The following NRXN1 variants were observed in gnomAD, a reference collection of about 807,000 sequenced individuals.
NRXN1 encodes neurexin-1.
In NRXN1, 39 loss-of-function variants were observed where a neutral mutation model predicts 150.9. That is an observed-to-expected ratio of 0.26 (90% CI 0.20 to 0.34). NRXN1 has a LOEUF of 0.34. Among genes scored for constraint, NRXN1 ranks in the 10% least tolerant of loss-of-function variants. NRXN1 has a pLI of 1.00. For synonymous variants in NRXN1, 924 were observed against 757.0 expected (o/e 1.22, Z -3.62); for missense variants, 1,815 against 1,949.9 (o/e 0.93, Z 1.30).
chr2:50,113,741 T>G (rs1046663668), intron 18 of NRXN1, among the ~76,000 whole-genome samples: 1 of 152,214 alleles, frequency 6.6e-6, no homozygotes, highest in Admixed American at 6.5e-5. Context: ...CTTAAAAGGC[T>G]GTGAGTGAGG....
At chr2:50,824,017 G>C (rs1670094637) in intron 5 of NRXN1, among the ~76,000 whole-genome samples, 1 of 152,070 alleles carries the variant, frequency 6.6e-6, no homozygotes, top group Non-Finnish European at 1.5e-5. Flanking sequence ...CAAGAAATGA[G>C]AAACAATGTG....
rs898930266 is a variant in NRXN1, at chr2:50,297,210, T to G, written c.3365-60240A>C. Among the ~76,000 whole-genome samples, 10 of 152,254 alleles carry G rather than the reference T, an allele frequency of 6.6e-5. No homozygotes were observed. In the South Asian group the frequency reaches 2.1e-3, roughly 32 times the overall value. On this transcript the variant is annotated intron_variant, in intron 17 of 22. Transcript: ENST00000401669. Reference sequence around the variant, plus strand: ...GGCTGGTTTGATTCTTTTTAATGGCTGTATAGTATTCTGTGGTGTACATGT... The same window carrying G: ...GGCTGGTTTGATTCTTTTTAATGGCGGTATAGTATTCTGTGGTGTACATGT...
chr2:50,129,384 T>C (rs531548543), intron 18 of NRXN1, among the ~76,000 whole-genome samples: 1 of 152,354 alleles, frequency 6.6e-6, no homozygotes, highest in African/African-American at 2.4e-5. Context: ...GTCTACTGCC[T>C]TGGCAGATTT....
At chr2:50,488,378 T>C (rs1042842496) in intron 15 of NRXN1, among the ~76,000 whole-genome samples, 1 of 152,160 alleles carries the variant, frequency 6.6e-6, no homozygotes, top group Non-Finnish European at 1.5e-5. Context: ...GTGTTTGAGT[T>C]GATCAGGGGT....
chr2:50,567,581 C>CAG (rs57146508), intron 8 of NRXN1, among the ~76,000 whole-genome samples: 3 of 65,174 alleles, frequency 4.6e-5, no homozygotes, highest in African/African-American at 3.5e-4. Context: ...GATATAGAAT[C>CAG]TGATTTTTCC....
intron 21 of NRXN1, chr2:49,972,596 T>A (rs970284877): frequency 6.6e-6 from 1 of 152,196 alleles, no homozygotes; most frequent in Non-Finnish European, 1.5e-5. Context: ...AATAGCCTAC[T>A]GTTAATTTCT....
At chr2:50,494,664 T>C (rs1345967234) in intron 15 of NRXN1, among the ~76,000 whole-genome samples, 1 of 152,222 alleles carries the variant, frequency 6.6e-6, no homozygotes, top group African/African-American at 2.4e-5. Flanking sequence ...TCAAAATATA[T>C]TCTGCAATTA....
chr2:50,720,500 T>C (rs1696500973), intron 5 of NRXN1, among the ~76,000 whole-genome samples: 1 of 152,204 alleles, frequency 6.6e-6, no homozygotes, highest in Non-Finnish European at 1.5e-5. Context: ...ATACTGTTGG[T>C]ATGGTAGCTA....
At chr2:50,569,958 T>C (rs975142266) in intron 8 of NRXN1, among the ~76,000 whole-genome samples, 1 of 152,182 alleles carries the variant, frequency 6.6e-6, no homozygotes, top group Non-Finnish European at 1.5e-5. Flanking sequence ...GAATAAACAC[T>C]TGAGACCTTG....
chr2:50,967,642 AAG>A (rs1320438362), intron 2 of NRXN1, among the ~76,000 whole-genome samples: 1 of 152,022 alleles, frequency 6.6e-6, no homozygotes, highest in East Asian at 1.9e-4. Context: ...ACCTTAAACT[AAG>A]TACTAAATGG....
chr2:50,052,439 A>C (rs1573622752), intron 21 of NRXN1, among the ~76,000 whole-genome samples: 1 of 152,148 alleles, frequency 6.6e-6, no homozygotes, highest in Non-Finnish European at 1.5e-5. Context: ...ATGGCATTTG[A>C]ACAGCATCTA....
At chr2:49,931,499 G>A (rs1436703602) in intron 22 of NRXN1, among the ~76,000 whole-genome samples, 3 of 151,978 alleles carry the variant, frequency 2.0e-5, no homozygotes, top group Non-Finnish European at 4.4e-5. Context: ...ACTGCAAATA[G>A]TTGACAGCTA....
chr2:50,994,013 C>T (rs750307013), intron 2 of NRXN1, among the ~76,000 whole-genome samples: 6 of 151,952 alleles, frequency 3.9e-5, no homozygotes, highest in Non-Finnish European at 7.4e-5. Flanking sequence ...CCGACAAAAC[C>T]TAAGATTTTA....
intron 5 of NRXN1, among the ~76,000 whole-genome samples, chr2:50,679,816 G>A (rs1690101357): frequency 6.6e-6 from 1 of 151,988 alleles, no homozygotes; most frequent in African/African-American, 2.4e-5. Flanking sequence ...TATATGCTAT[G>A]CTACCTCTAA....
intron 2 of NRXN1, among the ~76,000 whole-genome samples, chr2:50,946,962 G>A (rs1471443149): frequency 1.3e-5 from 2 of 152,218 alleles, no homozygotes; most frequent in South Asian, 2.1e-4. Flanking sequence ...CTATATATGT[G>A]GCTTTCTGAT....
At chr2:50,046,256 ACTCT>A (rs776133189) in intron 21 of NRXN1, among the ~76,000 whole-genome samples, 3 of 152,036 alleles carry the variant, frequency 2.0e-5, no homozygotes, top group Non-Finnish European at 4.4e-5. Context: ...CCTCACGATA[ACTCT>A]CTCTTTGTGT....
chr2:50,222,851 G>T (rs112217713), intron 18 of NRXN1, among the ~76,000 whole-genome samples: 9 of 151,836 alleles, frequency 5.9e-5, no homozygotes, highest in Non-Finnish European at 1.0e-4. Context: ...ACACAAAAAA[G>T]AAATTGAATG....
At chr2:50,117,292 G>C (rs867138641) in intron 18 of NRXN1, among the ~76,000 whole-genome samples, 40 of 152,206 alleles carry the variant, frequency 2.6e-4, no homozygotes, top group African/African-American at 9.4e-4. Flanking sequence ...AGAGTGTTGT[G>C]CAAAATAACA....
intron 8 of NRXN1, chr2:50,616,552 G>A (rs1009474407): frequency 2.6e-5 from 4 of 152,058 alleles, no homozygotes; most frequent in African/African-American, 9.7e-5. Context: ...TGCCTTGAAT[G>A]CCATTGTTTA....
Sources: gnomAD v4.1 joint callset for allele counts (sites outside exome capture counted in the v4.1 genomes callset) on GRCh38, gnomAD v4.1.1 for gene constraint, MANE v1.5 for transcripts, NCBI Gene and HGNC (gene_info 2026-07-23, HGNC 2026-07-21) for gene names.